The following LDLRAD3 variants were observed in gnomAD, a reference collection of about 807,000 sequenced individuals.
LDLRAD3 encodes the protein low density lipoprotein receptor class A domain containing 3, also known as low-density lipoprotein receptor class A domain-containing protein 3.
In LDLRAD3, 20 loss-of-function variants were observed where a neutral mutation model predicts 29.4. The observed-to-expected ratio is 0.68, with a 90% CI of 0.48 to 0.99. The LOEUF (loss-of-function observed/expected upper bound fraction) is 0.99, where lower values mean the gene tolerates loss of function less well. LDLRAD3 is among the 50% of genes least tolerant of loss of function. LDLRAD3 has a pLI of 0.00. For synonymous variants in LDLRAD3, 157 were observed against 192.7 expected, an observed-to-expected ratio of 0.81 and a Z score of 1.53; for missense variants, 420 against 454.3, an observed-to-expected ratio of 0.92 and a Z score of 0.69.
At chr11:35,954,158 A>C (rs1275202273) in intron 1 of LDLRAD3, among the ~76,000 whole-genome samples, 1 of 152,212 alleles carries the variant, frequency 6.6e-6, no homozygotes, top group East Asian at 1.9e-4. Context: ...AATGATGACA[A>C]TACAAGAAAA....
intron 2 of LDLRAD3, among the ~76,000 whole-genome samples, chr11:36,054,104 T>G (rs1852569810): frequency 6.6e-6 from 1 of 152,220 alleles, no homozygotes; most frequent in Non-Finnish European, 1.5e-5. Context: ...GCTCTCTGTT[T>G]AATATCCCAG....
chr11:36,171,348 C>A (rs1003038174), intron 4 of LDLRAD3, among the ~76,000 whole-genome samples: 6 of 152,042 alleles, frequency 3.9e-5, no homozygotes, highest in African/African-American at 1.4e-4. Flanking sequence ...CTTTTGGGTT[C>A]TTGGTCATGA....
chr11:36,141,617 A>G lies in LDLRAD3; in HGVS notation c.454+43156A>G, dbSNP rs11033458. 9.8e-3 allele frequency among the ~76,000 whole-genome samples: 1,496 copies of G among 152,258 alleles called. 22 individuals are homozygous for G. Among genetic ancestry groups the G allele is most frequent in the African/African-American group, 0.034 (1,415 of 41,528 alleles). On this transcript the variant is annotated intron_variant, in intron 4 of 5. Transcript: ENST00000315571. The stretch of plus-strand genomic sequence containing the variant: ...AGGAGAATTTGGTGGGGGTGGGAGT[A>G]GGGAATCAGTCAGTAAAGGGAGACA...
chr11:35,951,553 T>C (rs1370046558), intron 1 of LDLRAD3, among the ~76,000 whole-genome samples: 1 of 152,210 alleles, frequency 6.6e-6, no homozygotes, highest in Non-Finnish European at 1.5e-5. Flanking sequence ...CACCTTCAGT[T>C]ATTTGTGTTT....
At chr11:36,164,203 G>A (rs1276495550) in intron 4 of LDLRAD3, among the ~76,000 whole-genome samples, 1 of 152,248 alleles carries the variant, frequency 6.6e-6, no homozygotes, top group Non-Finnish European at 1.5e-5. Flanking sequence ...CCATGGTGAT[G>A]AAAATTGTTA....
chr11:36,022,882 G>A (rs945517929), intron 1 of LDLRAD3, among the ~76,000 whole-genome samples: 19 of 152,166 alleles, frequency 1.2e-4, no homozygotes, highest in Admixed American at 1.2e-3. Flanking sequence ...TTGCTCAGGA[G>A]GTCTGAAAGC....
intron 3 of LDLRAD3, among the ~76,000 whole-genome samples, chr11:36,085,034 T>TC (rs1853174971): frequency 1.3e-5 from 2 of 152,276 alleles, no homozygotes. Flanking sequence ...GATCACTCTT[T>TC]CCTTCATTCA....
intron 4 of LDLRAD3, among the ~76,000 whole-genome samples, chr11:36,165,967 TCCCTCCCTC>T (rs1854508612): frequency 2.9e-5 from 1 of 34,302 alleles, no homozygotes; most frequent in Non-Finnish European, 5.4e-5. Context: ...CCTCCCTCCC[TCCCTCCCTC>T]CCTTCCTTCC....
At chr11:36,109,229 A>G (rs1853573630) in intron 4 of LDLRAD3, among the ~76,000 whole-genome samples, 1 of 152,114 alleles carries the variant, frequency 6.6e-6, no homozygotes, top group South Asian at 2.1e-4. Flanking sequence ...TTTGTCATGG[A>G]CGGGGGAAGA....
chr11:36,020,021 A>C (rs1852075551), intron 1 of LDLRAD3, among the ~76,000 whole-genome samples: 1 of 152,122 alleles, frequency 6.6e-6, no homozygotes, highest in African/African-American at 2.4e-5. Flanking sequence ...GGGTTTGTCT[A>C]TGGGCAGCTG....
rs145849000 is a variant in LDLRAD3, at chr11:36,043,091, C to T, written c.193+6842C>T. ...CTTTGGGAGGCCAAGGTGGGCAGATCGTTTGAGCCCAAGAATTTGAGACCA... is the reference window on the plus strand; with the variant it reads ...CTTTGGGAGGCCAAGGTGGGCAGATTGTTTGAGCCCAAGAATTTGAGACCA... On this transcript the variant is annotated intron_variant, in intron 2 of 5. Transcript: ENST00000315571. Among the ~76,000 whole-genome samples, 628 of 152,206 alleles carry T rather than the reference C, an allele frequency of 4.1e-3. 3 individuals carry two copies. The highest frequency in any genetic ancestry group is 0.014 in the African/African-American group (597 of 41,524).
chr11:36,134,594 C>T (rs1853977048), intron 4 of LDLRAD3, among the ~76,000 whole-genome samples: 1 of 152,178 alleles, frequency 6.6e-6, no homozygotes, highest in Admixed American at 6.5e-5. Context: ...TTGTAGGCCC[C>T]CTTCACATCT....
intron 4 of LDLRAD3, among the ~76,000 whole-genome samples, chr11:36,099,734 T>C (rs990889108): frequency 1.3e-5 from 2 of 152,182 alleles, no homozygotes; most frequent in Admixed American, 6.6e-5. Flanking sequence ...AATGAACAGA[T>C]GGTCATACAT....
intron 1 of LDLRAD3, among the ~76,000 whole-genome samples, chr11:35,995,342 A>G (rs956561551): frequency 6.6e-6 from 1 of 152,214 alleles, no homozygotes; most frequent in African/African-American, 2.4e-5. Context: ...CTGAGCAGTA[A>G]TATTTTGAAA....
intron 1 of LDLRAD3, chr11:35,967,557 C>A: frequency 2.6e-6 from 1 of 386,910 alleles, no homozygotes; most frequent in Non-Finnish European, 5.0e-6. Flanking sequence ...ATTGATGTCA[C>A]ATGGCCTAGG....
At chr11:36,001,937 T>A (rs577758949) in intron 1 of LDLRAD3, among the ~76,000 whole-genome samples, 1 of 152,332 alleles carries the variant, frequency 6.6e-6, no homozygotes, top group Admixed American at 6.5e-5. Flanking sequence ...TTAGCTTTAT[T>A]TTTTGTCGTT....
chr11:36,130,890 G>A (rs567520071), intron 4 of LDLRAD3, among the ~76,000 whole-genome samples: 17 of 152,156 alleles, frequency 1.1e-4, no homozygotes, highest in Non-Finnish European at 2.1e-4. Flanking sequence ...AGTCCAGTGC[G>A]CACTATCTCT....
At chr11:35,976,509 G>C (rs1851477888) in intron 1 of LDLRAD3, among the ~76,000 whole-genome samples, 1 of 152,122 alleles carries the variant, frequency 6.6e-6, no homozygotes, top group Admixed American at 6.5e-5. Flanking sequence ...CAATGGATGA[G>C]GGATGCTTTC....
chr11:36,027,896 A>G (rs972309256), intron 1 of LDLRAD3, among the ~76,000 whole-genome samples: 2 of 152,148 alleles, frequency 1.3e-5, no homozygotes, highest in African/African-American at 2.4e-5. Context: ...CTCCTCCTTC[A>G]GTTTAGTGGC....
Sources: gnomAD v4.1 joint callset for allele counts (sites outside exome capture counted in the v4.1 genomes callset) on GRCh38, gnomAD v4.1.1 for gene constraint, MANE v1.5 for transcripts, NCBI Gene and HGNC (gene_info 2026-07-23, HGNC 2026-07-21) for gene names.